The following L2HGDH variants were observed in gnomAD, a reference collection of about 807,000 sequenced individuals.
The protein encoded by L2HGDH is L-2-hydroxyglutarate dehydrogenase, mitochondrial.
L2HGDH carries 34 observed loss-of-function variants against 51.5 expected under a neutral mutation model. The observed-to-expected ratio is 0.66, with a 90% CI of 0.50 to 0.88. The LOEUF is 0.88. Ranked by LOEUF, L2HGDH falls within the 40% of genes least tolerant of loss-of-function variation. L2HGDH has a pLI of 0.00. For synonymous variants in L2HGDH, 198 were observed against 197.9 expected, an observed-to-expected ratio of 1.00 and a Z score of -0.01; for missense variants, 558 against 571.9, an observed-to-expected ratio of 0.98 and a Z score of 0.25.
At chr14:50,264,601 A>G (rs1470903121) in intron 9 of L2HGDH, among the ~76,000 whole-genome samples, 1 of 152,202 alleles carries the variant, frequency 6.6e-6, no homozygotes, top group Non-Finnish European at 1.5e-5. Context: ...GCTGGAGGCT[A>G]TCATCCTTAG....
chr14:50,257,081 G>C (rs1259065462), intron 9 of L2HGDH, among the ~76,000 whole-genome samples: 1 of 151,954 alleles, frequency 6.6e-6, no homozygotes, highest in Non-Finnish European at 1.5e-5. Flanking sequence ...GATTACAGGT[G>C]CCCACCACAG....
rs1887874493 is a variant in L2HGDH, at chr14:50,243,453, T to C, written c.*3605A>G. ...ATTTGCATAAAAGTTTTTATGGAAC[T>C]AAAAAATATGTTCTCTACAACACCA... On this transcript the variant is annotated 3_prime_UTR_variant, in exon 10 of 10. Transcript: ENST00000267436. The C allele has an allele frequency of 1.2e-6, 1 of 851,604 alleles. No individual in the cohort carries two copies. Among genetic ancestry groups the C allele is most frequent in the Non-Finnish European group, 1.4e-6 (1 of 708,462 alleles). 52.8% of individuals were successfully genotyped at this position (851,604 alleles called of 1,614,324 possible).
chr14:50,288,661 C>A (rs1890699367), intron 4 of L2HGDH, among the ~76,000 whole-genome samples: 1 of 152,174 alleles, frequency 6.6e-6, no homozygotes. Context: ...GAACTCCTGA[C>A]CTCAGATGAT....
At chr14:50,273,426 T>C (rs2139993711) in intron 6 of L2HGDH, among the ~76,000 whole-genome samples, 1 of 152,286 alleles carries the variant, frequency 6.6e-6, no homozygotes, top group East Asian at 1.9e-4. Context: ...ATTGGACTCC[T>C]TTTTTACACC....
Position 50,246,879 on chromosome 14 carries a change from T to C in L2HGDH, c.*179A>G, listed in dbSNP as rs1305527992. The C allele has an allele frequency of 2.6e-6, 3 of 1,149,398 alleles. No individual in the cohort carries two copies. Among genetic ancestry groups the C allele is most frequent in the Admixed American group, 6.0e-5 (2 of 33,536 alleles). 71.2% of individuals were successfully genotyped at this position (1,149,398 alleles called of 1,614,324 possible). A position where few individuals can be genotyped will look rare whatever the true frequency, so the allele number is the denominator to read the frequency against. On this transcript the variant is annotated 3_prime_UTR_variant, in exon 10 of 10. Transcript: ENST00000267436. ...CTGAGATTACAGGCATGCGCCACCA[T>C]GCCTGGCTAATTTTTGTAGAAAATT... is the stretch of plus-strand genomic sequence containing the variant.
intron 5 of L2HGDH, among the ~76,000 whole-genome samples, chr14:50,282,898 C>T (rs769479860): frequency 2.4e-4 from 36 of 151,706 alleles, no homozygotes; most frequent in Non-Finnish European, 3.8e-4. Context: ...AAAATTGGGA[C>T]GGGCACGGTG....
Position 50,294,166 on chromosome 14 carries a change from G to T in L2HGDH, c.489C>A (p.Gly163=). Residue 163 remains glycine (G), a synonymous_variant, in exon 4 of 10, where the codon GGC becomes GGA. Transcript: ENST00000267436. ...YEKGLQNGVP[G]LRLIQQEDIK... is the part of the protein sequence containing the mutation. ...TATCCTCCTGCTGGATCAGCCTCAG[G>T]CCCGGGACACCATTCTGGAGGCCTT... The T allele has an allele frequency of 6.2e-7, 1 of 1,613,702 alleles. No individual in the cohort carries two copies. Among genetic ancestry groups the T allele is most frequent in the Non-Finnish European group, 8.5e-7 (1 of 1,179,918 alleles).
At position 50,312,110 on chromosome 14, in the gene L2HGDH, C is replaced by G. The variant is rs776223095; in HGVS notation, c.41G>C (p.Arg14Pro). 1.2e-6 allele frequency: 2 copies of G among 1,609,252 alleles called. No homozygotes were observed. Among genetic ancestry groups the G allele is most frequent in the South Asian group, 2.2e-5 (2 of 90,520 alleles). ...GCCACCGGCGAAAAGCCCGCGGGCC[C>G]GTCCGCAGGCACCAACCAAATAACG... ...ALRYLVGACGRARGLFAGGSP... is the reference protein window; with the variant it reads ...ALRYLVGACGPARGLFAGGSP... The change falls in exon 1 of 10, where the codon CGG becomes CCG. Residue 14 changes from arginine to proline, a missense_variant. By Grantham distance (103) the Arg-to-Pro change is moderately radical. Around this residue, in one of 3 missense-constraint regions of L2HGDH, gnomAD observed 194 missense variants for 187.2 expected, o/e 1.04. Coordinates refer to ENST00000267436, the MANE Select transcript of L2HGDH (RefSeq NM_024884.3).
chr14:50,308,430 T>C (rs977663587), intron 1 of L2HGDH, among the ~76,000 whole-genome samples: 4 of 144,216 alleles, frequency 2.8e-5, no homozygotes, highest in South Asian at 2.2e-4. Flanking sequence ...TATGAACAAA[T>C]ATTTCATCAA....
rs965920231 is a variant in L2HGDH at position 50,246,131 on chromosome 14, A to T, written c.*927T>A. On this transcript the variant is annotated 3_prime_UTR_variant, in exon 10 of 10. Transcript: ENST00000267436. ...AGAGTGAAACTCCGTCTGAAAAAAA[A>T]AATAAATAAAAGTCAGGGATTCGGA... The T allele has an allele frequency of 3.3e-5, 5 of 152,084 alleles. No individual in the cohort carries two copies. The highest frequency in any genetic ancestry group is 1.2e-4 in the African/African-American group (5 of 41,418). The allele number at this position is 152,084 out of a possible 1,614,324, so 9.4% of individuals were successfully genotyped here. A position where few individuals can be genotyped will look rare whatever the true frequency, so the allele number is the denominator to read the frequency against.
Position 50,244,714 on chromosome 14 carries a change from T to C in L2HGDH, c.*2344A>G. 2.0e-6 allele frequency: 2 copies of C among 985,336 alleles called. No individual in the cohort carries two copies. Among genetic ancestry groups the C allele is most frequent in the Non-Finnish European group, 2.4e-6 (2 of 829,942 alleles). 61.0% of individuals were successfully genotyped at this position (985,336 alleles called of 1,614,324 possible). A position where few individuals can be genotyped will look rare whatever the true frequency, so the allele number is the denominator to read the frequency against. On this transcript the variant is annotated 3_prime_UTR_variant, in exon 10 of 10. Coordinates refer to ENST00000267436, the MANE Select transcript of L2HGDH (RefSeq NM_024884.3). ...AAGTGTAGCCTTTCAAATTAATGGA[T>C]GAGGTAGCTCAATCAATGTAATCAT...
intron 4 of L2HGDH, among the ~76,000 whole-genome samples, chr14:50,288,906 G>A (rs1168376478): frequency 6.6e-6 from 1 of 152,142 alleles, no homozygotes; most frequent in Non-Finnish European, 1.5e-5. Flanking sequence ...ATCACTAAAA[G>A]AGCTAATTTG....
At chr14:50,268,930 G>A (rs1319595256) in intron 7 of L2HGDH, among the ~76,000 whole-genome samples, 5 of 152,058 alleles carry the variant, frequency 3.3e-5, no homozygotes, top group African/African-American at 1.2e-4. Flanking sequence ...ACTTCCCAGA[G>A]TGCACTCATG....
chr14:50,298,769 T>C (rs2030234196), intron 3 of L2HGDH, among the ~76,000 whole-genome samples: 2 of 151,912 alleles, frequency 1.3e-5, no homozygotes, highest in African/African-American at 4.8e-5. Context: ...AGAAGGAAAT[T>C]TAAAAATCTG....
At chr14:50,304,478 T>A (rs1401466621) in intron 1 of L2HGDH, among the ~76,000 whole-genome samples, 1 of 152,320 alleles carries the variant, frequency 6.6e-6, no homozygotes, top group East Asian at 1.9e-4. Flanking sequence ...GGGGCAATAA[T>A]TGGTCCAGAA....
At chr14:50,277,221 GAGTT>G (rs1890027884) in intron 6 of L2HGDH, among the ~76,000 whole-genome samples, 1 of 145,006 alleles carries the variant, frequency 6.9e-6, no homozygotes, top group Non-Finnish European at 1.5e-5. Flanking sequence ...TTTTTTTTGA[GAGTT>G]AGTTAGCATG....
chr14:50,310,965 ACAGAGTCTTGCTCTGTCGCC>A (rs2031113245), intron 1 of L2HGDH, among the ~76,000 whole-genome samples: 1 of 120,808 alleles, frequency 8.3e-6, no homozygotes, highest in Admixed American at 1.0e-4. Flanking sequence ...TTTTTGCGAG[ACAGAGTCTTGCTCTGTCGCC>A]CAGGCTGGAG....
In L2HGDH at chr14:50,244,699, T is replaced by C; in HGVS notation, c.*2359A>G. ...AAACATGAGCTGATGAAGTGTAGCC[T>C]TTCAAATTAATGGATGAGGTAGCTC... On this transcript the variant is annotated 3_prime_UTR_variant, in exon 10 of 10. Transcript: ENST00000267436. The C allele has an allele frequency of 1.0e-6, 1 of 985,440 alleles. No homozygotes were observed. The highest frequency in any genetic ancestry group is 1.2e-6 in the Non-Finnish European group (1 of 829,934). The allele number at this position is 985,440 out of a possible 1,614,324, so 61.0% of individuals were successfully genotyped here.
chr14:50,311,939 C>T lies in L2HGDH; in HGVS notation c.140+72G>A, dbSNP rs1391206623. On this transcript the variant is annotated intron_variant, in intron 1 of 9. Transcript: ENST00000267436. ...CGGGACAGGGAAATACGAACAGGGG[C>T]ACAGGTCCACCACCAGGTGCCTCCG... 8 of 1,529,226 alleles carry T rather than the reference C, an allele frequency of 5.2e-6. No individual in the cohort carries two copies. The South Asian group carries it at 6.0e-5, about 11-fold the overall frequency. 94.7% of individuals were successfully genotyped at this position (1,529,226 alleles called of 1,614,324 possible). A position where few individuals can be genotyped will look rare whatever the true frequency, so the allele number is the denominator to read the frequency against.
Sources: gnomAD v4.1 joint callset for allele counts (sites outside exome capture counted in the v4.1 genomes callset) on GRCh38, gnomAD v4.1.1 for gene constraint, gnomAD v4.1.1 regional missense constraint, MANE v1.5 for transcripts, NCBI Gene and HGNC (gene_info 2026-07-23, HGNC 2026-07-21) for gene names.